The following POLR3C variants were observed in gnomAD, a reference collection of about 807,000 sequenced individuals.
POLR3C encodes the protein RNA polymerase III subunit C, also known as DNA-directed RNA polymerase III subunit RPC3.
In POLR3C, 44 loss-of-function variants were observed where a neutral mutation model predicts 65.9. The ratio of observed to expected loss-of-function variants is 0.67; its 90% CI spans 0.52 to 0.86. POLR3C has a LOEUF of 0.86. Among genes scored for constraint, POLR3C ranks in the 40% least tolerant of loss-of-function variants. The pLI is 0.00. For missense variants in POLR3C, 576 were observed against 653.2 expected, an observed-to-expected ratio of 0.88 and a Z score of 1.29; for synonymous variants, 263 against 231.6, an observed-to-expected ratio of 1.14 and a Z score of -1.23.
rs1553726009 is a variant in POLR3C at position 145,826,994 on chromosome 1, T to TC, written c.579dup (p.Ser194GlnfsTer7). On this transcript the variant is annotated frameshift_variant, in exon 4 of 15. Coordinates refer to ENST00000334163, the MANE Select transcript of POLR3C (RefSeq NM_006468.8). LOFTEE classifies it high-confidence loss of function. ...AAGGACATGTACCTGGTTCCTAAAC[T>TC]CAGCTTGATAGGTAAGGAATTTTAA... 6.2e-7 allele frequency: 1 copy of TC among 1,608,608 alleles called. No individual in the cohort carries two copies. The highest frequency in any genetic ancestry group is 8.5e-7 in the Non-Finnish European group (1 of 1,178,508).
At chr1:145,827,904 G>A (rs1374768000) in intron 4 of POLR3C, among the ~76,000 whole-genome samples, 1 of 152,028 alleles carries the variant, frequency 6.6e-6, no homozygotes, top group Non-Finnish European at 1.5e-5. Context: ...CTCCAGCCTG[G>A]GTGACAGAGT....
intron 7 of POLR3C, among the ~76,000 whole-genome samples, chr1:145,835,871 C>A (rs587754242): frequency 6.6e-6 from 1 of 152,258 alleles, no homozygotes; most frequent in East Asian, 1.9e-4. Context: ...CCACCACACC[C>A]AACCTAGTCA....
At chr1:145,836,907 C>CT in intron 9 of POLR3C, 41 bp downstream of exon 9, 3 of 1,062,640 alleles carry the variant, frequency 2.8e-6, no homozygotes, top group Non-Finnish European at 4.3e-6. Flanking sequence ...GGCAGCCTGA[C>CT]CTATAAATCA....
At position 145,838,306 on chromosome 1, in the gene POLR3C, A is replaced by G. The variant is rs587729388; in HGVS notation, c.1221+100A>G. ...TACTGAACCCCCAAGCAAACTCTAT[A>G]TCCAGCTCTGAGACAGAAAAACATG... On this transcript the variant is annotated intron_variant, in intron 11 of 14. Transcript: ENST00000334163. 1.2e-4 allele frequency: 107 copies of G among 890,580 alleles called. No individual in the cohort carries two copies. In the African/African-American group the frequency reaches 1.4e-3, roughly 12 times the overall value. 55.2% of individuals were successfully genotyped at this position (890,580 alleles called of 1,614,324 possible). A position where few individuals can be genotyped will look rare whatever the true frequency, so the allele number is the denominator to read the frequency against.
At chr1:145,838,449 A>G (rs989653608) in intron 11 of POLR3C, among the ~76,000 whole-genome samples, 1 of 152,192 alleles carries the variant, frequency 6.6e-6, no homozygotes, top group Non-Finnish European at 1.5e-5. Flanking sequence ...TGGGAGGCCA[A>G]GGTGGGCAAA....
chr1:145,840,344 A>G (rs1652193423), intron 13 of POLR3C, 179 bp downstream of exon 13: 2 of 565,902 alleles, frequency 3.5e-6, no homozygotes, highest in Non-Finnish European at 6.3e-6. Context: ...GTTTGAGACC[A>G]ACCTGGCCAA....
intron 12 of POLR3C, 46 bp from the exon 13 acceptor site, chr1:145,840,070 T>C (rs1351643794): frequency 1.9e-6 from 3 of 1,553,518 alleles, no homozygotes; most frequent in Non-Finnish European, 2.7e-6. Context: ...CCTGAGCTGC[T>C]GAAATAGAAC....
rs1314583294 is a variant in POLR3C at position 145,831,241 on chromosome 1, G to A, written c.679-2019G>A. 3.3e-5 allele frequency among the ~76,000 whole-genome samples: 5 copies of A among 152,122 alleles called. No homozygotes were observed. The East Asian group carries it at 5.8e-4, about 18-fold the overall frequency. ...ATAATAGAGAGTTCCAGGATAGGCC[G>A]GGTGCGGTAATGCCTGTAATCCTAG... is the stretch of plus-strand genomic sequence containing the variant. On this transcript the variant is annotated intron_variant, in intron 5 of 14. Coordinates refer to ENST00000334163, the MANE Select transcript of POLR3C (RefSeq NM_006468.8).
At chr1:145,833,167 G>T in intron 5 of POLR3C, 93 bp from the exon 6 acceptor site, 3 of 730,108 alleles carry the variant, frequency 4.1e-6, no homozygotes, top group Non-Finnish European at 7.1e-6. Flanking sequence ...AATTGTTACT[G>T]TGTAGGAAAA....
At chr1:145,835,678 C>T (rs1210828889) in intron 7 of POLR3C, among the ~76,000 whole-genome samples, 1 of 151,690 alleles carries the variant, frequency 6.6e-6, no homozygotes, top group African/African-American at 2.4e-5. Context: ...GGGTTCAAGG[C>T]ATTCTCCTGC....
At chr1:145,826,363 G>T in intron 2 of POLR3C, 91 bp from the exon 3 acceptor site, 2 of 1,066,006 alleles carry the variant, frequency 1.9e-6, no homozygotes, top group Non-Finnish European at 2.8e-6. Flanking sequence ...ATTTTCTGAT[G>T]CTTACTAAGC....
Position 145,839,977 on chromosome 1 carries a change from C to T in POLR3C, c.1309C>T (p.His437Tyr). The stretch of plus-strand genomic sequence containing the variant: ...CCTGTCAGCTGCCCGAATGTTGTTG[C>T]ACAGGTGCTACAAGGTAACTCAATC... ...NILSAARMLL[H>Y]RCYKSIANLI... The change falls in exon 12 of 15, where the codon CAC becomes TAC. Residue 437 changes from histidine to tyrosine, a missense_variant. His to Tyr is a moderately conservative substitution (Grantham distance 83). Coordinates refer to ENST00000334163, the MANE Select transcript of POLR3C (RefSeq NM_006468.8). The T allele has an allele frequency of 1.2e-6, 2 of 1,605,544 alleles. No homozygotes were observed. The highest frequency in any genetic ancestry group is 1.7e-6 in the Non-Finnish European group (2 of 1,172,228).
In POLR3C at chr1:145,842,370, AC is replaced by A; in HGVS notation, c.1557del (p.Ile520SerfsTer12). The part of the protein sequence containing the change: ...LDASEIQVDE[T>X]IFLLESYIEC... ...TGCCAGTGAGATCCAGGTGGACGAA[AC>A]CATCTTCCTGCTGGAGTCTTACATT... On this transcript the variant is annotated frameshift_variant, in exon 15 of 15. Coordinates refer to ENST00000334163, the MANE Select transcript of POLR3C (RefSeq NM_006468.8). LOFTEE classifies it high-confidence loss of function. 1 of 1,612,040 alleles carries A rather than the reference AC, an allele frequency of 6.2e-7. No homozygotes were observed. Among genetic ancestry groups the A allele is most frequent in the Non-Finnish European group, 8.5e-7 (1 of 1,178,610 alleles).
intron 13 of POLR3C, among the ~76,000 whole-genome samples, chr1:145,840,702 G>A (rs1434108756): frequency 2.6e-5 from 4 of 152,114 alleles, no homozygotes; most frequent in Non-Finnish European, 5.9e-5. Flanking sequence ...TGTGAGAAAC[G>A]TACAAAAGCA....
rs377694831 is a variant in POLR3C, at chr1:145,826,539, A to C, written c.233A>C (p.Gln78Pro). The C allele has an allele frequency of 6.2e-7, 1 of 1,613,866 alleles. No homozygotes were observed. The highest frequency in any genetic ancestry group is 8.5e-7 in the Non-Finnish European group (1 of 1,179,998). The change falls in exon 3 of 15, where the codon CAG (glutamine) becomes CCG (proline). Residue 78 changes from glutamine to proline, a missense_variant. Transcript: ENST00000334163. ...CGTGGTGTGGTGGAGTATGAAGCCC[A>C]GTGCAGCCGGGTATTGCGAATGCTT... is the stretch of plus-strand genomic sequence containing the variant. ...HKRGVVEYEA[Q>P]CSRVLRMLRY... is the part of the protein sequence containing the mutation.
chr1:145,828,599 G>C lies in POLR3C; in HGVS notation c.590-150G>C, dbSNP rs1650987872. The C allele has an allele frequency of 8.3e-6, 5 of 603,584 alleles. No homozygotes were observed. The South Asian group carries it at 1.0e-4, about 12-fold the overall frequency. The allele number at this position is 603,584 out of a possible 1,614,324, so 37.4% of individuals were successfully genotyped here. A position where few individuals can be genotyped will look rare whatever the true frequency, so the allele number is the denominator to read the frequency against. ...TTTCAGATTATTTCATCAGTTACTT[G>C]AGTTTCTTATAGCTCTTCAGCCCCC... On this transcript the variant is annotated intron_variant, in intron 4 of 14. Coordinates refer to ENST00000334163, the MANE Select transcript of POLR3C (RefSeq NM_006468.8).
intron 5 of POLR3C, among the ~76,000 whole-genome samples, chr1:145,832,823 A>G (rs1459271724): frequency 2.0e-5 from 3 of 152,122 alleles, no homozygotes; most frequent in African/African-American, 7.2e-5. Context: ...GGAGTTCGAG[A>G]CCAGCCTGGC....
chr1:145,840,860 A>C, intron 13 of POLR3C, 62 bp from the exon 14 acceptor site: 1 of 1,318,252 alleles, frequency 7.6e-7, no homozygotes, highest in Non-Finnish European at 1.1e-6. Flanking sequence ...TGCCTCAGAC[A>C]CACGTGGTAA....
chr1:145,830,110 CAG>C (rs1488237559), intron 5 of POLR3C, among the ~76,000 whole-genome samples: 51 of 152,036 alleles, frequency 3.4e-4, no homozygotes, highest in Non-Finnish European at 2.9e-5. Flanking sequence ...GGATGGATTT[CAG>C]AGAGTCCAGT....
Sources: gnomAD v4.1 joint callset for allele counts (sites outside exome capture counted in the v4.1 genomes callset) on GRCh38, gnomAD v4.1.1 for gene constraint, MANE v1.5 for transcripts, NCBI Gene and HGNC (gene_info 2026-07-23, HGNC 2026-07-21) for gene names.